Variants in NHS observed in about 807,000 individuals in gnomAD.
The protein encoded by NHS is NHS actin remodeling regulator.
Under a neutral mutation model 72.5 loss-of-function variants are expected in NHS, and 5 were observed. The observed-to-expected ratio is 0.07, with a 90% confidence interval of 0.04 to 0.14. The LOEUF is 0.14. NHS is among the 10% of genes least tolerant of loss of function. NHS has a pLI of 1.00. For missense variants in NHS, 1,072 were observed against 1,355.7 expected (o/e 0.79, Z 3.29); for synonymous variants, 464 against 547.7 (o/e 0.85, Z 2.13).
At chrX:17,434,001 C>T (rs1025760700) in intron 1 of NHS, among the ~76,000 whole-genome samples, 1 of 112,029 alleles carries the variant, frequency 8.9e-6, no homozygotes. Context: ...ACTCAAGAAC[C>T]CAGGCTTCTT....
chrX:17,648,595 A>C (rs1402804031), intron 1 of NHS, among the ~76,000 whole-genome samples: 1 of 112,846 alleles, frequency 8.9e-6, no homozygotes, highest in African/African-American at 3.2e-5. Flanking sequence ...CACATAAATT[A>C]AAATGGATTT....
chrX:17,575,603 A>G (rs776511946), intron 1 of NHS, among the ~76,000 whole-genome samples: 12 of 111,893 alleles, frequency 1.1e-4, no homozygotes, highest in African/African-American at 1.6e-4. Flanking sequence ...ATTTATTAAT[A>G]GAAGTCTTTT....
chrX:17,459,910 A>C (rs1298640799), intron 1 of NHS, among the ~76,000 whole-genome samples: 1 of 112,343 alleles, frequency 8.9e-6, no homozygotes, highest in Non-Finnish European at 1.9e-5. Flanking sequence ...GCTTGGCATC[A>C]TGAGCTTTAT....
intron 1 of NHS, among the ~76,000 whole-genome samples, chrX:17,631,184 C>T (rs1259598108): frequency 1.8e-5 from 2 of 112,207 alleles, no homozygotes; most frequent in African/African-American, 3.2e-5. Flanking sequence ...AGAACTTTCT[C>T]AGCAAATTGC....
chrX:17,401,775 CTTA>C (rs752072323), intron 1 of NHS, among the ~76,000 whole-genome samples: 292 of 111,661 alleles, frequency 2.6e-3, no homozygotes, highest in African/African-American at 8.3e-3. Flanking sequence ...TTTACATGGC[CTTA>C]TTATAAGGAT....
At chrX:17,675,021 A>G (rs1397832200) in intron 1 of NHS, among the ~76,000 whole-genome samples, 1 of 112,498 alleles carries the variant, frequency 8.9e-6, no homozygotes, top group Admixed American at 9.4e-5. Flanking sequence ...CATGAATTTT[A>G]GTTATTTATT....
At chrX:17,607,730 C>T (rs775555702) in intron 1 of NHS, among the ~76,000 whole-genome samples, 52 of 110,707 alleles carry the variant, frequency 4.7e-4, no homozygotes, top group African/African-American at 1.7e-3. Context: ...GCTAGTGTGA[C>T]TGAGGAACCA....
chrX:17,643,091 G>T (rs1242313288), intron 1 of NHS, among the ~76,000 whole-genome samples: 1 of 111,683 alleles, frequency 9.0e-6, no homozygotes, highest in Non-Finnish European at 1.9e-5. Context: ...CTAATTGCTT[G>T]GTCATAGCTT....
chrX:17,625,978 G>A (rs751819461), intron 1 of NHS, among the ~76,000 whole-genome samples: 1 of 111,907 alleles, frequency 8.9e-6, no homozygotes, highest in African/African-American at 3.2e-5. Context: ...ATTTGAAAAA[G>A]TAGATTCACA....
chrX:17,477,977 CAT>C (rs1367545262), intron 1 of NHS, among the ~76,000 whole-genome samples: 1 of 111,570 alleles, frequency 9.0e-6, no homozygotes, highest in African/African-American at 3.3e-5. Flanking sequence ...TACCTCACCT[CAT>C]GTTATGGAGT....
chrX:17,670,957 G>A (rs1247847836), intron 1 of NHS, among the ~76,000 whole-genome samples: 1 of 112,234 alleles, frequency 8.9e-6, no homozygotes, highest in African/African-American at 3.2e-5. Context: ...CTGAGTGAGT[G>A]AACTCTGCAA....
chrX:17,636,288 C>G (rs760536475), intron 1 of NHS, among the ~76,000 whole-genome samples: 2 of 112,565 alleles, frequency 1.8e-5, no homozygotes, highest in East Asian at 5.6e-4. Context: ...ACTGTGGGGC[C>G]TGTCTTGATT....
rs112053847 is a variant in NHS at position 17,445,854 on chromosome X, C to A, written c.565+69532C>A. On this transcript the variant is annotated intron_variant, in intron 1 of 8. Transcript: ENST00000676302. ...ACAACATTTAAAAAAAAAAAAAAAA[C>A]AACAACTCAAAGATAGAGCCTAAAA... Among the ~76,000 whole-genome samples, 25 of 93,697 alleles carry A rather than the reference C, an allele frequency of 2.7e-4. No individual in the cohort carries two copies. In the South Asian group the frequency reaches 3.1e-3, roughly 11 times the overall value. 81.4% of individuals were successfully genotyped at this position (93,697 alleles called of 115,157 possible). A position where few individuals can be genotyped will look rare whatever the true frequency, so the allele number is the denominator to read the frequency against.
At chrX:17,699,282 A>C (rs2066248588) in intron 3 of NHS, among the ~76,000 whole-genome samples, 1 of 112,130 alleles carries the variant, frequency 8.9e-6, no homozygotes, top group African/African-American at 3.2e-5. Flanking sequence ...AAGGAAACCT[A>C]GCCCTACCAG....
intron 1 of NHS, among the ~76,000 whole-genome samples, chrX:17,624,694 A>G (rs2065789287): frequency 8.8e-6 from 1 of 113,343 alleles, no homozygotes; most frequent in African/African-American, 3.2e-5. Context: ...CCATTCTACT[A>G]TCAATTAGCA....
intron 1 of NHS, among the ~76,000 whole-genome samples, chrX:17,483,021 A>G (rs2064952779): frequency 1.3e-5 from 1 of 75,969 alleles, no homozygotes; most frequent in African/African-American, 4.5e-5. Context: ...CACTGCTATC[A>G]CCCAAGTAAG....
At chrX:17,396,678 G>A (rs895509788) in intron 1 of NHS, among the ~76,000 whole-genome samples, 11 of 111,891 alleles carry the variant, frequency 9.8e-5, no homozygotes, top group African/African-American at 3.2e-4. Flanking sequence ...GATACTGATT[G>A]TATAAAGTAA....
intron 3 of NHS, among the ~76,000 whole-genome samples, chrX:17,715,794 T>C (rs1289859566): frequency 9.0e-6 from 1 of 111,348 alleles, no homozygotes; most frequent in Non-Finnish European, 1.9e-5. Flanking sequence ...TTCCCCTCTA[T>C]GCGGAGGGCC....
intron 1 of NHS, among the ~76,000 whole-genome samples, chrX:17,659,011 T>A (rs948611632): frequency 2.7e-5 from 3 of 112,576 alleles, no homozygotes; most frequent in Non-Finnish European, 5.6e-5. Context: ...TTTTGTCTTG[T>A]GATTATAAGG....
Sources: allele counts gnomAD v4.1 joint callset (sites outside exome capture counted in the v4.1 genomes callset), GRCh38; gene constraint gnomAD v4.1.1; transcripts MANE v1.5; gene names NCBI Gene and HGNC (gene_info 2026-07-23, HGNC 2026-07-21).